The following PCDHA8 variants were observed in gnomAD, a reference collection of about 807,000 sequenced individuals.
The protein encoded by PCDHA8 is protocadherin alpha 8.
Under a neutral mutation model 61.8 loss-of-function variants are expected in PCDHA8, and 53 were observed. The observed-to-expected ratio is 0.86, with a 90% CI of 0.69 to 1.08. PCDHA8 has a LOEUF of 1.08. PCDHA8 is among the 50% of genes least tolerant of loss of function. The pLI is 0.00. For synonymous variants in PCDHA8, 618 were observed against 556.6 expected (o/e 1.11, Z -1.55); for missense variants, 1,293 against 1,245.0 (o/e 1.04, Z -0.58).
chr5:140,974,534 G>A (rs929112962), intron 1 of PCDHA8, among the ~76,000 whole-genome samples: 4 of 151,974 alleles, frequency 2.6e-5, no homozygotes, highest in Admixed American at 1.3e-4. Flanking sequence ...TTTTTGAGAC[G>A]GAGTTTTGCT....
At chr5:140,998,533 T>C (rs1362807124) in intron 3 of PCDHA8, among the ~76,000 whole-genome samples, 1 of 152,020 alleles carries the variant, frequency 6.6e-6, no homozygotes, top group Non-Finnish European at 1.5e-5. Flanking sequence ...TTTATATCCC[T>C]AATTCCTAAT....
rs149972776 is a variant in PCDHA8, at chr5:140,883,738, C to G, written c.2394+40023C>G. On this transcript the variant is annotated intron_variant, in intron 1 of 3. Transcript: ENST00000531613. The stretch of plus-strand genomic sequence containing the variant: ...CGGACGCACAGGAGAACGCGCTGGT[C>G]TCCTACTCGCTGGTGGAGCGGCGGG... 852 of 1,613,378 alleles carry G rather than the reference C, an allele frequency of 5.3e-4. 5 individuals carry two copies. In the African/African-American group the frequency reaches 9.2e-3, roughly 17 times the overall value.
intron 1 of PCDHA8, chr5:140,875,865 G>A (rs782211791): frequency 6.2e-7 from 1 of 1,614,160 alleles, no homozygotes; most frequent in Non-Finnish European, 8.5e-7. Context: ...ACAACCCGCC[G>A]GTGTTCAGAG....
At position 140,841,992 on chromosome 5, in the gene PCDHA8, G is replaced by T. The variant is rs782125762; in HGVS notation, c.671G>T (p.Gly224Val). 1 of 1,613,646 alleles carries T rather than the reference G, an allele frequency of 6.2e-7. No homozygotes were observed. The highest frequency in any genetic ancestry group is 1.3e-5 in the African/African-American group (1 of 74,856). ...GATGGGGGCAAACCTGAGCTCACAGGCACTGTTCAGCTGCTGGTCACAGTG... is the reference window on the plus strand; with the variant it reads ...GATGGGGGCAAACCTGAGCTCACAGTCACTGTTCAGCTGCTGGTCACAGTG... ...ATDGGKPELT[G>V]TVQLLVTVLD... Residue 224 changes from glycine to valine, a missense_variant, in exon 1 of 4, where the codon GGC becomes GTC. Gly to Val is a moderately radical substitution (Grantham distance 109). Transcript: ENST00000531613.
At chr5:140,883,066 C>G in intron 1 of PCDHA8, 1 of 1,614,070 alleles carries the variant, frequency 6.2e-7, no homozygotes. Flanking sequence ...AGCTAAATGC[C>G]ACAGATCCTG....
chr5:140,855,030 G>A (rs1385138184), intron 1 of PCDHA8, among the ~76,000 whole-genome samples: 1 of 149,666 alleles, frequency 6.7e-6, no homozygotes, highest in African/African-American at 2.4e-5. Context: ...CTTGTATAAA[G>A]GATTTTTCTG....
rs1238477201 is a variant in PCDHA8, at chr5:140,841,365, T to C, written c.44T>C (p.Leu15Pro). 8.1e-6 allele frequency: 13 copies of C among 1,613,134 alleles called. No individual in the cohort carries two copies. The highest frequency in any genetic ancestry group is 1.1e-5 in the Non-Finnish European group (13 of 1,179,638). The change falls in exon 1 of 4, where the codon CTA (leucine) becomes CCA (proline). Residue 15 changes from leucine (L) to proline (P), a missense_variant. By Grantham distance (98) the Leu-to-Pro change is moderately conservative. Coordinates refer to ENST00000531613, the MANE Select transcript of PCDHA8 (RefSeq NM_018911.3). ...GGAGAGCTGGGATCCTGGCGACTAC[T>C]ACTCTTGCTTCTGCTCCTCGCAGCC... Reference protein sequence around the residue: ...WRGELGSWRLLLLLLLLAAWK... With the variant: ...WRGELGSWRLPLLLLLLAAWK...
At chr5:140,995,510 G>A (rs1554254709) in intron 3 of PCDHA8, among the ~76,000 whole-genome samples, 1 of 152,142 alleles carries the variant, frequency 6.6e-6, no homozygotes, top group African/African-American at 2.4e-5. Flanking sequence ...GTGGGTAACT[G>A]AAGCCTCAGA....
chr5:140,982,583 C>T lies in PCDHA8; in HGVS notation c.2542+20C>T, dbSNP rs1251252617. ...CACCAGGTAAAGAGCTGGGGTCTCT[C>T]CATTCTTTCTTGGTTTCTGGAAAGT... is the stretch of plus-strand genomic sequence containing the variant. On this transcript the variant is annotated intron_variant, in intron 3 of 3. Coordinates refer to ENST00000531613, the MANE Select transcript of PCDHA8 (RefSeq NM_018911.3). The T allele has an allele frequency of 1.2e-6, 2 of 1,612,084 alleles. No homozygotes were observed. The highest frequency in any genetic ancestry group is 4.5e-5 in the East Asian group (2 of 44,856).
intron 1 of PCDHA8, chr5:140,859,908 T>C (rs1554152827): frequency 6.6e-6 from 1 of 150,380 alleles, no homozygotes; most frequent in Non-Finnish European, 1.5e-5. Context: ...CTTAATGTCT[T>C]ATATTATAAG....
intron 1 of PCDHA8, among the ~76,000 whole-genome samples, chr5:140,938,520 A>G (rs1240941217): frequency 6.6e-6 from 1 of 150,896 alleles, no homozygotes; most frequent in African/African-American, 2.4e-5. Context: ...ATTTTCTGTT[A>G]TTGAATGGAT....
chr5:140,901,549 A>T (rs1554189886), intron 1 of PCDHA8, among the ~76,000 whole-genome samples: 1 of 152,052 alleles, frequency 6.6e-6, no homozygotes, highest in Non-Finnish European at 1.5e-5. Context: ...ATTCTGTTCC[A>T]TTCATCTATG....
chr5:140,846,514 A>G (rs1554141354), intron 1 of PCDHA8, among the ~76,000 whole-genome samples: 1 of 147,154 alleles, frequency 6.8e-6, no homozygotes, highest in African/African-American at 2.5e-5. Flanking sequence ...AGCTGGGATT[A>G]CAGGTGCATG....
intron 1 of PCDHA8, among the ~76,000 whole-genome samples, chr5:140,874,127 A>G (rs1297073584): frequency 2.0e-5 from 3 of 151,564 alleles, no homozygotes; most frequent in Non-Finnish European, 4.4e-5. Flanking sequence ...TAGTTTATTT[A>G]AGTTATCTTA....
chr5:140,860,414 C>T (rs1180297544), intron 1 of PCDHA8: 1 of 152,016 alleles, frequency 6.6e-6, no homozygotes, highest in Non-Finnish European at 1.5e-5. Flanking sequence ...ATAGTAACAC[C>T]ATTATCCTGC....
intron 3 of PCDHA8, among the ~76,000 whole-genome samples, chr5:140,990,421 G>A (rs374181612): frequency 2.6e-5 from 4 of 152,190 alleles, no homozygotes; most frequent in Non-Finnish European, 5.9e-5. Flanking sequence ...CTTTCAACCA[G>A]CATTGACCCA....
At chr5:140,982,675 T>C in intron 3 of PCDHA8, 112 bp downstream of exon 3, 1 of 1,441,782 alleles carries the variant, frequency 6.9e-7, no homozygotes, top group Non-Finnish European at 9.1e-7. Flanking sequence ...ATTTTTGTTA[T>C]TCCCTTTTTT....
chr5:141,005,697 G>A (rs1197870932), intron 3 of PCDHA8, among the ~76,000 whole-genome samples: 75 of 78,728 alleles, frequency 9.5e-4, no homozygotes, highest in Admixed American at 6.2e-4. Context: ...GCGAAACTCC[G>A]TCTCAAAAAA....
At chr5:140,968,036 A>T in intron 1 of PCDHA8, 1 of 1,614,160 alleles carries the variant, frequency 6.2e-7, no homozygotes, top group Non-Finnish European at 8.5e-7. Context: ...ACTGGTGGTG[A>T]GCGGCCCACT....
Sources: allele counts gnomAD v4.1 joint callset (sites outside exome capture counted in the v4.1 genomes callset), GRCh38; gene constraint gnomAD v4.1.1; transcripts MANE v1.5; gene names NCBI Gene and HGNC (gene_info 2026-07-23, HGNC 2026-07-21).